NBPF8: variants seen among roughly 807,000 people sequenced by gnomAD.
NBPF8 encodes the protein NBPF family member NBPF8.
exon 1 of NBPF8, chr1:120,436,678 C>G: frequency 6.8e-7 from 1 of 1,480,404 alleles, no homozygotes; most frequent in South Asian, 1.1e-5. Context: ...GCTTCCTGGC[C>G]AACCGACAGA....
upstream of NBPF8, chr1:120,432,075 C>A (rs1247715253): frequency 1.4e-5 from 2 of 138,188 alleles, no homozygotes; most frequent in African/African-American, 5.6e-5. Flanking sequence ...GTCCTGAAGA[C>A]CTTCCTCTGG....
At chr1:120,423,982 G>A (rs1660641063) in intron 1 of NBPF8, among the ~76,000 whole-genome samples, 1 of 151,708 alleles carries the variant, frequency 6.6e-6, no homozygotes, top group Non-Finnish European at 1.5e-5. Flanking sequence ...GTCCCCCATT[G>A]TTAATGTACA....
chr1:120,466,170 G>T (rs1431208052), exon 25 of NBPF8: 1 of 1,609,710 alleles, frequency 6.2e-7, no homozygotes, highest in Non-Finnish European at 8.5e-7. Context: ...TTACTTTGAC[G>T]GTGACAAGTC....
chr1:120,441,311 TGAGGACTCACTG>T (rs1661120005), exon 5 of NBPF8: 1 of 705,544 alleles, frequency 1.4e-6, no homozygotes, highest in Non-Finnish European at 2.5e-6. Context: ...GCAAAGTCCC[TGAGGACTCACTG>T]GAGGAATGTG....
At position 120,457,736 on chromosome 1, in the gene NBPF8, A is replaced by ATAT. The variant is rs1480856527; in HGVS notation, n.2621-1631_2621-1630insTAT. Among the ~76,000 whole-genome samples, 325 of 53,732 alleles carry ATAT rather than the reference A, an allele frequency of 6.0e-3. 43 individuals carry two copies. The highest frequency in any genetic ancestry group is 0.019 in the Middle Eastern group (2 of 108). The allele number at this position is 53,732 out of a possible 152,430, so 35.3% of individuals were successfully genotyped here. A position where few individuals can be genotyped will look rare whatever the true frequency, so the allele number is the denominator to read the frequency against. On this transcript the variant is annotated intron_variant and non_coding_transcript_variant, in intron 16 of 24. Transcript: ENST00000583271. ...CTAAGACTTAAAGTATTAAAAAAAAAATATATATATATATATACATACACA... is the reference window on the plus strand; with the variant it reads ...CTAAGACTTAAAGTATTAAAAAAAAATATATATATATATATATATACATACACA...
At chr1:120,460,883 G>C (rs1553250195) in intron 18 of NBPF8, among the ~76,000 whole-genome samples, 3 of 151,930 alleles carry the variant, frequency 2.0e-5, no homozygotes, top group Admixed American at 6.6e-5. Context: ...GGAAACTTGA[G>C]CACATTTTAT....
chr1:120,448,910 T>C (rs1553248305), intron 10 of NBPF8, among the ~76,000 whole-genome samples: 1 of 14,746 alleles, frequency 6.8e-5, no homozygotes, highest in Non-Finnish European at 1.4e-4. Flanking sequence ...CACAGAAACA[T>C]TGGCCACTCA....
chr1:120,464,390 T>C, exon 23 of NBPF8: 1 of 767,086 alleles, frequency 1.3e-6, no homozygotes, highest in Non-Finnish European at 2.4e-6. Context: ...AGCAGGGAGC[T>C]GCTGGAGGTA....
Position 120,464,293 on chromosome 1 carries a change from T to C in NBPF8, n.3287-83T>C, listed in dbSNP as rs1369590423. 1.0e-4 allele frequency: 74 copies of C among 710,248 alleles called. 1 individual carries two copies. The highest frequency in any genetic ancestry group is 5.7e-4 in the African/African-American group (28 of 49,204). 44.0% of individuals were successfully genotyped at this position (710,248 alleles called of 1,614,324 possible). On this transcript the variant is annotated intron_variant and non_coding_transcript_variant, in intron 22 of 24. Transcript: ENST00000583271. ...TCCTTTTACTTTTTTAACCACTTCC[T>C]TATGCTACCCATGAAACCTATTTGG...
At chr1:120,422,807 T>A (rs2101474251) in intron 1 of NBPF8, among the ~76,000 whole-genome samples, 1 of 109,162 alleles carries the variant, frequency 9.2e-6, no homozygotes, top group Non-Finnish European at 1.9e-5. Context: ...ATTTGGTGTG[T>A]TCACCGTTTT....
chr1:120,449,688 G>A (rs4990356), intron 11 of NBPF8, among the ~76,000 whole-genome samples: 22 of 151,346 alleles, frequency 1.5e-4, no homozygotes, highest in Admixed American at 5.9e-4. Flanking sequence ...AGGCTCAATC[G>A]TGTTTTCAAG....
At chr1:120,434,240 A>AAT (rs1661000507), upstream of NBPF8, among the ~76,000 whole-genome samples, 2 of 148,142 alleles carry the variant, frequency 1.4e-5, no homozygotes, top group African/African-American at 4.9e-5. Flanking sequence ...ATATATATAT[A>AAT]ATATATATAC....
downstream of NBPF8, among the ~76,000 whole-genome samples, chr1:120,467,910 A>G (rs1354535705): frequency 1.5e-4 from 23 of 151,806 alleles, no homozygotes; most frequent in African/African-American, 5.6e-4. Context: ...ATGTGTTTAC[A>G]TTTCTTGGTT....
intron 1 of NBPF8, among the ~76,000 whole-genome samples, chr1:120,423,270 C>T (rs1431079325): frequency 1.2e-4 from 14 of 118,948 alleles, no homozygotes; most frequent in East Asian, 1.0e-3. Context: ...CTTACATTTA[C>T]GTGTAAGATT....
downstream of NBPF8, among the ~76,000 whole-genome samples, chr1:120,469,125 TA>T (rs1191931041): frequency 9.4e-6 from 1 of 105,950 alleles, no homozygotes; most frequent in African/African-American, 3.7e-5. Context: ...AACACACCCT[TA>T]TTCATTGGCT....
chr1:120,434,542 T>C (rs1661018097), upstream of NBPF8, among the ~76,000 whole-genome samples: 1 of 150,170 alleles, frequency 6.7e-6, no homozygotes, highest in Admixed American at 6.6e-5. Context: ...GTGTGTGATG[T>C]TCCCCGTCCT....
At chr1:120,420,881 G>A (rs1660556068) in intron 1 of NBPF8, among the ~76,000 whole-genome samples, 1 of 147,774 alleles carries the variant, frequency 6.8e-6, no homozygotes, top group Non-Finnish European at 1.5e-5. Flanking sequence ...CAGGCATTGA[G>A]AGGGGGAGAA....
At chr1:120,464,119 CTCTCTCTCTCTCTCTGTG>C (rs1661665659) in intron 22 of NBPF8, among the ~76,000 whole-genome samples, 1 of 28,076 alleles carries the variant, frequency 3.6e-5, no homozygotes, top group African/African-American at 3.8e-4. Flanking sequence ...AGCTCGTTCT[CTCTCTCTCTCTCTCTGTG>C]TGTGTGTGTG....
At chr1:120,469,232 CT>C (rs1481344463), downstream of NBPF8, among the ~76,000 whole-genome samples, 1 of 137,540 alleles carries the variant, frequency 7.3e-6, no homozygotes, top group Non-Finnish European at 1.6e-5. Context: ...CATGAATTTG[CT>C]TCTGAGATTA....
Sources: gnomAD v4.1 joint callset for allele counts (sites outside exome capture counted in the v4.1 genomes callset) on GRCh38, gnomAD v4.1.1 for gene constraint, MANE v1.5 for transcripts, NCBI Gene and HGNC (gene_info 2026-07-23, HGNC 2026-07-21) for gene names.